The following CAMK2A variants were observed in gnomAD, a reference collection of about 807,000 sequenced individuals.
CAMK2A encodes calcium/calmodulin dependent protein kinase II alpha.
CAMK2A carries 7 observed loss-of-function variants against 79.2 expected under a neutral mutation model. The observed-to-expected ratio is 0.09, with a 90% CI of 0.05 to 0.17. CAMK2A has a LOEUF of 0.17. Among genes scored for constraint, CAMK2A ranks in the 10% least tolerant of loss-of-function variants. CAMK2A has a pLI of 1.00. For missense variants in CAMK2A, 214 were observed against 646.4 expected, an observed-to-expected ratio of 0.33 and a Z score of 7.25; for synonymous variants, 242 against 251.7, an observed-to-expected ratio of 0.96 and a Z score of 0.36.
Position 150,222,999 on chromosome 5 carries a change from C to T in CAMK2A, c.1456G>A (p.Val486Ile), listed in dbSNP as rs771394411. Residue 486 changes from valine to isoleucine, a missense_variant, in exon 18 of 19, where the codon GTC becomes ATC. Val to Ile is a conservative substitution (Grantham distance 29). Coordinates refer to ENST00000671881, the MANE Select transcript of CAMK2A (RefSeq NM_015981.4). ...VHFHRSGAPS[V>I]LPH ...AGGAGGGATTCTTACTGGGGCAGGA[C>T]GGAGGGCGCCCCAGATCTGTGGAAG... is the stretch of plus-strand genomic sequence containing the variant. 58 of 1,613,734 alleles carry T rather than the reference C, an allele frequency of 3.6e-5. No individual in the cohort carries two copies. The highest frequency in any genetic ancestry group is 3.0e-4 in the Admixed American group (18 of 60,012).
intron 15 of CAMK2A, among the ~76,000 whole-genome samples, chr5:150,231,780 A>G (rs952001919): frequency 1.3e-5 from 2 of 152,176 alleles, no homozygotes; most frequent in Non-Finnish European, 2.9e-5. Flanking sequence ...TTGCTTTGCC[A>G]TGTAAATCAA....
intron 14 of CAMK2A, 114 bp downstream of exon 14, chr5:150,239,590 C>T (rs968015712): frequency 3.1e-5 from 28 of 906,012 alleles, no homozygotes; most frequent in African/African-American, 2.6e-4. Flanking sequence ...GTACCAAGCA[C>T]GCCCTGAGCA....
At chr5:150,282,105 G>T (rs1757238868) in intron 1 of CAMK2A, among the ~76,000 whole-genome samples, 1 of 152,110 alleles carries the variant, frequency 6.6e-6, no homozygotes, top group South Asian at 2.1e-4. Context: ...ACCTGTTACT[G>T]AAACCACACC....
intron 1 of CAMK2A, 39 bp downstream of exon 1, chr5:150,289,524 GC>G (rs1334353748): frequency 6.5e-7 from 1 of 1,537,588 alleles, no homozygotes; most frequent in Non-Finnish European, 9.0e-7. Context: ...TGACCTCCCC[GC>G]CCCCCATGCC....
chr5:150,265,066 C>T (rs745796789), intron 2 of CAMK2A, 51 bp from the exon 3 acceptor site: 13 of 1,335,290 alleles, frequency 9.7e-6, no homozygotes, highest in Non-Finnish European at 1.4e-5. Flanking sequence ...AACCATTACC[C>T]TCCATCTCCC....
At chr5:150,243,079 T>C (rs75096947) in intron 13 of CAMK2A, among the ~76,000 whole-genome samples, 4,599 of 152,318 alleles carry the variant, frequency 0.03, 248 homozygotes, top group African/African-American at 0.1. Flanking sequence ...TGCTGTGAGC[T>C]GTCCTTGCCA....
chr5:150,287,800 CCAAA>C (rs1757484962), intron 1 of CAMK2A, among the ~76,000 whole-genome samples: 1 of 152,032 alleles, frequency 6.6e-6, no homozygotes, highest in African/African-American at 2.4e-5. Context: ...CAGAGCAGCC[CCAAA>C]CATTTTGTTC....
At chr5:150,255,620 G>A (rs1197672173) in intron 6 of CAMK2A, among the ~76,000 whole-genome samples, 5 of 152,236 alleles carry the variant, frequency 3.3e-5, no homozygotes, top group Non-Finnish European at 7.3e-5. Flanking sequence ...GCAGGGAAGA[G>A]TGTTCCCCAG....
intron 2 of CAMK2A, chr5:150,265,232 C>A: frequency 1.8e-6 from 1 of 546,456 alleles, no homozygotes. Context: ...AAGCACATCC[C>A]TCGCCCTCTC....
At chr5:150,280,767 G>A (rs1411202445) in intron 1 of CAMK2A, among the ~76,000 whole-genome samples, 4 of 151,846 alleles carry the variant, frequency 2.6e-5, no homozygotes, top group African/African-American at 4.8e-5. Flanking sequence ...CTGGGTCGCC[G>A]TGCTCTCCCA....
rs1754276992 is a variant in CAMK2A at position 150,220,934 on chromosome 5, C to G, written c.*1776G>C. On this transcript the variant is annotated 3_prime_UTR_variant, in exon 19 of 19. Transcript: ENST00000671881. ...ATCAAACATCCTCACCAGTTCTGCT[C>G]CAACCAACACCCAGGAGGGTCGAGG... 1 of 152,432 alleles carries G rather than the reference C, an allele frequency of 6.6e-6. No homozygotes were observed. The highest frequency in any genetic ancestry group is 2.1e-4 in the South Asian group (1 of 4,826). The allele number at this position is 152,432 out of a possible 1,614,324, so 9.4% of individuals were successfully genotyped here. A position where few individuals can be genotyped will look rare whatever the true frequency, so the allele number is the denominator to read the frequency against.
intron 2 of CAMK2A, among the ~76,000 whole-genome samples, chr5:150,272,853 T>C (rs890481070): frequency 4.3e-4 from 65 of 151,576 alleles, no homozygotes; most frequent in African/African-American, 1.5e-3. Flanking sequence ...TTGGCCTGTC[T>C]GGGCGAGTCT....
At chr5:150,250,859 C>A (rs761533914) in intron 9 of CAMK2A, 49 bp from the exon 10 acceptor site, 11 of 1,599,558 alleles carry the variant, frequency 6.9e-6, no homozygotes, top group Non-Finnish European at 9.4e-6. Flanking sequence ...CCAGGCCACC[C>A]CTGCGATCCC....
Position 150,219,666 on chromosome 5 carries a change from C to G in CAMK2A, c.*3044G>C, listed in dbSNP as rs1030029585. On this transcript the variant is annotated 3_prime_UTR_variant, in exon 19 of 19. Coordinates refer to ENST00000671881, the MANE Select transcript of CAMK2A (RefSeq NM_015981.4). ...AAAAAAAAAAAGAACTAAAACAAAA[C>G]CCCAAACAAATAGTAACAAAGAAAC... 2 of 141,288 alleles carry G rather than the reference C, an allele frequency of 1.4e-5. No homozygotes were observed. The highest frequency in any genetic ancestry group is 2.7e-5 in the African/African-American group (1 of 37,212). 8.8% of individuals were successfully genotyped at this position (141,288 alleles called of 1,614,324 possible).
chr5:150,254,157 T>C (rs1489738294), intron 6 of CAMK2A, among the ~76,000 whole-genome samples: 1 of 152,186 alleles, frequency 6.6e-6, no homozygotes, highest in Non-Finnish European at 1.5e-5. Context: ...CCAAGTTTAC[T>C]CTATCTAGAG....
At chr5:150,279,878 T>C (rs1368372331) in intron 1 of CAMK2A, among the ~76,000 whole-genome samples, 1 of 152,250 alleles carries the variant, frequency 6.6e-6, no homozygotes, top group Non-Finnish European at 1.5e-5. Context: ...TCTAGCTGCC[T>C]GGCAGACAAG....
At chr5:150,250,097 A>C in intron 11 of CAMK2A, 129 bp downstream of exon 11, 2 of 688,506 alleles carry the variant, frequency 2.9e-6, no homozygotes, top group Admixed American at 4.3e-5. Context: ...TCCAGTATGC[A>C]GTAGGTGTTC....
intron 1 of CAMK2A, among the ~76,000 whole-genome samples, chr5:150,278,771 G>A (rs547296688): frequency 6.7e-4 from 102 of 152,286 alleles, no homozygotes; most frequent in African/African-American, 2.4e-3. Context: ...TGCAAGGGGC[G>A]GGTGTCTGGC....
chr5:150,256,203 T>C lies in CAMK2A; in HGVS notation c.411+370A>G, dbSNP rs1487596333. The stretch of plus-strand genomic sequence containing the variant: ...ATGGCAACCCCCATTGTGAAGAATC[T>C]GAGGCTCAGGAAGGTCATGCTACTA... On this transcript the variant is annotated intron_variant, in intron 6 of 18. Transcript: ENST00000671881. The surrounding 1 kb of genome is among the most constrained non-coding windows in gnomAD (Gnocchi z 4.6). Among the ~76,000 whole-genome samples the C allele has an allele frequency of 6.6e-6, 1 of 152,182 alleles. No homozygotes were observed. The highest frequency in any genetic ancestry group is 1.5e-5 in the Non-Finnish European group (1 of 68,032).
Sources: gnomAD v4.1 joint callset for allele counts (sites outside exome capture counted in the v4.1 genomes callset) on GRCh38, gnomAD v4.1.1 for gene constraint, Gnocchi (gnomAD v3.1) non-coding constraint, MANE v1.5 for transcripts, NCBI Gene and HGNC (gene_info 2026-07-23, HGNC 2026-07-21) for gene names.